SEMA3A: variants seen among roughly 807,000 people sequenced by gnomAD.
SEMA3A encodes semaphorin 3A.
In SEMA3A, 29 loss-of-function variants were observed where a neutral mutation model predicts 97.9. The observed-to-expected ratio is 0.30, with a 90% CI of 0.22 to 0.40. SEMA3A has a LOEUF of 0.40. Among genes scored for constraint, SEMA3A ranks in the 10% least tolerant of loss-of-function variants. The probability of loss-of-function intolerance (pLI) is 1.00; values close to 1 mark genes in which losing one functional copy is unlikely to be tolerated. For missense variants in SEMA3A, 763 were observed against 951.3 expected, an observed-to-expected ratio of 0.80 and a Z score of 2.60; for synonymous variants, 321 against 323.7, an observed-to-expected ratio of 0.99 and a Z score of 0.09.
At chr7:84,350,783 A>C (rs1358189833) in intron 2 of SEMA3A, among the ~76,000 whole-genome samples, 2 of 152,094 alleles carry the variant, frequency 1.3e-5, no homozygotes, top group Non-Finnish European at 2.9e-5. Context: ...TATGGTTGCT[A>C]TTTTATTTTC....
At chr7:84,229,809 A>G (rs1799078639) in intron 3 of SEMA3A, among the ~76,000 whole-genome samples, 1 of 151,950 alleles carries the variant, frequency 6.6e-6, no homozygotes, top group South Asian at 2.1e-4. Context: ...CTTTCGAGTC[A>G]ACAAGCGTGC....
intron 4 of SEMA3A, among the ~76,000 whole-genome samples, chr7:84,062,612 G>A (rs1021708699): frequency 1.8e-4 from 27 of 152,338 alleles, no homozygotes; most frequent in African/African-American, 5.8e-4. Context: ...CTTGGGAAGC[G>A]CAAGGGGTCA....
intron 6 of SEMA3A, among the ~76,000 whole-genome samples, chr7:84,031,005 T>TTG (rs1448062815): frequency 3.4e-5 from 5 of 146,474 alleles, no homozygotes; most frequent in African/African-American, 1.3e-4. Context: ...TTTTTTTTTT[T>TTG]TTTTTTGAGA....
At position 83,960,588 on chromosome 7, in the gene SEMA3A, A is replaced by G. The variant is rs1270175086; in HGVS notation, c.*783T>C. ...CTATCCCTCTTATAGAATTGAAAAT[A>G]AAATGTCCAAAGAAAGCAGCACACC... On this transcript the variant is annotated 3_prime_UTR_variant, in exon 17 of 17. Coordinates refer to ENST00000265362, the MANE Select transcript of SEMA3A (RefSeq NM_006080.3). The G allele has an allele frequency of 6.6e-6, 1 of 152,594 alleles. No homozygotes were observed. Among genetic ancestry groups the G allele is most frequent in the Non-Finnish European group, 1.5e-5 (1 of 68,016 alleles). 9.5% of individuals were successfully genotyped at this position (152,594 alleles called of 1,614,324 possible).
chr7:84,226,586 T>G (rs1798994748), intron 3 of SEMA3A, among the ~76,000 whole-genome samples: 1 of 152,120 alleles, frequency 6.6e-6, no homozygotes, highest in African/African-American at 2.4e-5. Flanking sequence ...AGTGTGATTT[T>G]TAAAGTGCCA....
intron 1 of SEMA3A, among the ~76,000 whole-genome samples, chr7:84,384,763 A>G (rs1304156231): frequency 6.6e-6 from 1 of 152,182 alleles, no homozygotes; most frequent in African/African-American, 2.4e-5. Context: ...ACCATTCTTG[A>G]GTACGACTAG....
chr7:84,430,789 T>TG (rs1562945573), intron 1 of SEMA3A, among the ~76,000 whole-genome samples: 66 of 143,434 alleles, frequency 4.6e-4, no homozygotes, highest in East Asian at 3.7e-3. Flanking sequence ...AACATAAAAT[T>TG]TGTGTGTGTG....
At chr7:84,091,216 A>G (rs910625137) in intron 4 of SEMA3A, among the ~76,000 whole-genome samples, 1 of 79,374 alleles carries the variant, frequency 1.3e-5, no homozygotes, top group African/African-American at 4.3e-5. Flanking sequence ...AAGAAAGAAA[A>G]GAAAAGAAAG....
In SEMA3A at chr7:84,357,567, G is replaced by C. The variant is rs148023677; in HGVS notation, c.-169+14257C>G. On this transcript the variant is annotated intron_variant, in intron 2 of 3. Coordinates refer to the SEMA3A transcript ENST00000424555. ...ACATTTGGATTGGTCCCAAGTGTTT[G>C]CTATTGTGAATAGTGCCGCAATAAA... Among the ~76,000 whole-genome samples the C allele has an allele frequency of 2.6e-3, 391 of 152,196 alleles. 3 individuals carry two copies. The highest frequency in any genetic ancestry group is 8.6e-3 in the African/African-American group (359 of 41,524).
At chr7:83,970,144 G>A (rs1476345401) in intron 15 of SEMA3A, among the ~76,000 whole-genome samples, 1 of 152,152 alleles carries the variant, frequency 6.6e-6, no homozygotes, top group African/African-American at 2.4e-5. Context: ...AAGCACCACA[G>A]TGTGTTTGGA....
intron 3 of SEMA3A, among the ~76,000 whole-genome samples, chr7:84,255,456 T>G (rs1280407565): frequency 6.6e-6 from 1 of 152,066 alleles, no homozygotes; most frequent in African/African-American, 2.4e-5. Context: ...TCACAAAGAT[T>G]GTAGAATTCC....
At chr7:84,075,537 C>T (rs1308804225) in intron 4 of SEMA3A, among the ~76,000 whole-genome samples, 16 of 144,872 alleles carry the variant, frequency 1.1e-4, no homozygotes, top group African/African-American at 3.9e-4. Context: ...TGGCTCACTG[C>T]AAACTTTGCC....
At chr7:84,150,858 G>C (rs1796632822) in intron 1 of SEMA3A, among the ~76,000 whole-genome samples, 1 of 151,684 alleles carries the variant, frequency 6.6e-6, no homozygotes, top group South Asian at 2.1e-4. Context: ...GCTTTGAAGA[G>C]AGCAGTGGTT....
chr7:84,017,206 G>A (rs970090466), intron 6 of SEMA3A, among the ~76,000 whole-genome samples: 3 of 152,206 alleles, frequency 2.0e-5, no homozygotes, highest in Non-Finnish European at 4.4e-5. Flanking sequence ...GGGCATGAGT[G>A]AAGGTGTCAT....
At chr7:84,006,957 A>G (rs554270255) in intron 10 of SEMA3A, among the ~76,000 whole-genome samples, 1 of 152,294 alleles carries the variant, frequency 6.6e-6, no homozygotes, top group East Asian at 1.9e-4. Flanking sequence ...AAATTATAAA[A>G]TTAAGGTTAT....
intron 15 of SEMA3A, among the ~76,000 whole-genome samples, chr7:83,974,582 A>T (rs1379329642): frequency 6.6e-6 from 1 of 152,122 alleles, no homozygotes. Flanking sequence ...GCAAGACAAC[A>T]TACATGATTT....
chr7:84,422,659 T>A (rs768262911), intron 1 of SEMA3A, among the ~76,000 whole-genome samples: 7 of 152,126 alleles, frequency 4.6e-5, no homozygotes, highest in Non-Finnish European at 8.8e-5. Context: ...TTTAGTGCTA[T>A]AAATTACCTT....
chr7:84,180,042 G>C (rs1461174762), intron 1 of SEMA3A, among the ~76,000 whole-genome samples: 1 of 149,020 alleles, frequency 6.7e-6, no homozygotes, highest in Non-Finnish European at 1.5e-5. Flanking sequence ...CACCTCCCGG[G>C]TTCAAGCGAT....
rs763887137 is a variant in SEMA3A at position 84,007,385 on chromosome 7, G to C, written c.1108C>G (p.Gln370Glu). The C allele has an allele frequency of 1.2e-6, 2 of 1,608,674 alleles. No homozygotes were observed. Among genetic ancestry groups the C allele is most frequent in the Admixed American group, 1.7e-5 (1 of 59,202 alleles). The stretch of plus-strand genomic sequence containing the variant: ...GGCCGTGGATAGGGGACTCTTCCTT[G>C]ATAAGGCACCCATTGATAGTTGGGT... ...DGPNYQWVPY[Q>E]GRVPYPRPGT... Residue 370 changes from glutamine to glutamate, a missense_variant, in exon 10 of 17, where the codon CAA becomes GAA. By Grantham distance (29) the Gln-to-Glu change is conservative (BLOSUM62 2). This residue lies in a region of SEMA3A where 678 missense variants were observed against 881.3 expected (regional missense o/e 0.77). Coordinates refer to ENST00000265362, the MANE Select transcript of SEMA3A (RefSeq NM_006080.3).
Sources: gnomAD v4.1 joint callset for allele counts (sites outside exome capture counted in the v4.1 genomes callset) on GRCh38, gnomAD v4.1.1 for gene constraint, gnomAD v4.1.1 regional missense constraint, MANE v1.5 for transcripts, NCBI Gene and HGNC (gene_info 2026-07-23, HGNC 2026-07-21) for gene names.